Variants in FAM149B1 observed in about 807,000 individuals in gnomAD.
FAM149B1 encodes family with sequence similarity 149 member B1.
A neutral mutation model predicts 75.3 loss-of-function variants in FAM149B1; 56 were observed. That is an observed-to-expected ratio of 0.74 (90% CI 0.60 to 0.93). The LOEUF is 0.93. Ranked by LOEUF, FAM149B1 falls within the 40% of genes least tolerant of loss-of-function variation. The pLI is 0.00. For missense variants in FAM149B1, 639 were observed against 708.4 expected (o/e 0.90, Z 1.11); for synonymous variants, 259 against 256.1 (o/e 1.01, Z -0.11).
intron 3 of FAM149B1, among the ~76,000 whole-genome samples, chr10:73,188,206 G>A (rs1356446280): frequency 6.6e-6 from 1 of 152,096 alleles, no homozygotes; most frequent in East Asian, 1.9e-4. Context: ...TTTGACAAAG[G>A]TACAAAGGCA....
chr10:73,230,064 CCTTA>C (rs761340545), intron 8 of FAM149B1, among the ~76,000 whole-genome samples: 18 of 152,122 alleles, frequency 1.2e-4, no homozygotes, highest in Non-Finnish European at 1.6e-4. Context: ...TACAGTTTCC[CCTTA>C]CTATTTTCTA....
At chr10:73,206,285 C>T (rs1455439222) in intron 5 of FAM149B1, among the ~76,000 whole-genome samples, 1 of 152,178 alleles carries the variant, frequency 6.6e-6, no homozygotes, top group Non-Finnish European at 1.5e-5. Flanking sequence ...CAAGAAGTAA[C>T]ATGCCTGCTT....
rs12246048 is a variant in FAM149B1, at chr10:73,243,197, G to A, written c.*2178G>A. On this transcript the variant is annotated 3_prime_UTR_variant, in exon 14 of 14. Coordinates refer to ENST00000242505, the MANE Select transcript of FAM149B1 (RefSeq NM_173348.2). Reference sequence around the variant, plus strand: ...GTCACCACCAAGTTCCTTCAGGTGAGACCTCACACAATGTCAAGTGCTTTC... The same window carrying A: ...GTCACCACCAAGTTCCTTCAGGTGAAACCTCACACAATGTCAAGTGCTTTC... The A allele has an allele frequency of 4.9e-3, 2,779 of 564,174 alleles. 38 individuals are homozygous for A. Among genetic ancestry groups the A allele is most frequent in the African/African-American group, 0.033 (1,720 of 52,642 alleles). 34.9% of individuals were successfully genotyped at this position (564,174 alleles called of 1,614,324 possible). A position where few individuals can be genotyped will look rare whatever the true frequency, so the allele number is the denominator to read the frequency against.
intron 7 of FAM149B1, among the ~76,000 whole-genome samples, chr10:73,222,829 T>C (rs1403037204): frequency 6.6e-6 from 1 of 152,242 alleles, no homozygotes; most frequent in Non-Finnish European, 1.5e-5. Flanking sequence ...ATTTTTAAAC[T>C]TTTTATTGAA....
intron 5 of FAM149B1, among the ~76,000 whole-genome samples, chr10:73,196,324 CTTT>C (rs1035328920): frequency 6.9e-6 from 1 of 144,630 alleles, no homozygotes; most frequent in Non-Finnish European, 1.5e-5. Flanking sequence ...GCCCCCCACC[CTTT>C]TTTTTTTTTG....
chr10:73,204,255 G>T lies in FAM149B1; in HGVS notation c.543-4364G>T, dbSNP rs374007369. On this transcript the variant is annotated intron_variant, in intron 5 of 13. Transcript: ENST00000242505. ...TTCTCCTGTCTCAGCCTCCCAGGTA[G>T]CTGGGATTACAGGCACATGCCATCA... Among the ~76,000 whole-genome samples the T allele has an allele frequency of 3.9e-5, 6 of 152,232 alleles. No individual in the cohort carries two copies. In the East Asian group the frequency reaches 9.7e-4, roughly 25 times the overall value.
intron 2 of FAM149B1, among the ~76,000 whole-genome samples, chr10:73,175,049 AACAAACAAACAC>A (rs1459812523): frequency 2.0e-5 from 3 of 152,172 alleles, no homozygotes; most frequent in Non-Finnish European, 2.9e-5. Context: ...TGAAAAAACA[AACAAACAAACAC>A]ACAAACAAAC....
intron 1 of FAM149B1, among the ~76,000 whole-genome samples, chr10:73,173,892 AACC>A (rs1228219600): frequency 2.0e-5 from 3 of 152,220 alleles, no homozygotes; most frequent in Non-Finnish European, 4.4e-5. Flanking sequence ...ACACAGTTTA[AACC>A]TGTGTTGTTC....
At chr10:73,191,944 A>C (rs2042694230) in intron 3 of FAM149B1, among the ~76,000 whole-genome samples, 1 of 152,004 alleles carries the variant, frequency 6.6e-6, no homozygotes, top group African/African-American at 2.4e-5. Context: ...CACCCAGGCT[A>C]GAATAGAGTG....
intron 8 of FAM149B1, 143 bp from the exon 9 acceptor site, chr10:73,230,279 G>A (rs1034942618): frequency 1.1e-5 from 6 of 560,122 alleles, no homozygotes; most frequent in East Asian, 6.1e-5. Flanking sequence ...CCCCAGCTAC[G>A]GGCCCCAAGA....
intron 2 of FAM149B1, among the ~76,000 whole-genome samples, chr10:73,176,796 G>A (rs1197204180): frequency 6.6e-6 from 1 of 152,150 alleles, no homozygotes; most frequent in Non-Finnish European, 1.5e-5. Context: ...GGAGGCCGAT[G>A]TAGGCGGATC....
At chr10:73,211,832 G>A (rs142187862) in intron 7 of FAM149B1, among the ~76,000 whole-genome samples, 60 of 152,128 alleles carry the variant, frequency 3.9e-4, no homozygotes, top group African/African-American at 1.4e-3. Flanking sequence ...TTATGTGCAT[G>A]TATTTCTTAG....
At chr10:73,192,326 T>TA (rs1256425450) in intron 3 of FAM149B1, 7 of 406,784 alleles carry the variant, frequency 1.7e-5, no homozygotes, top group Non-Finnish European at 1.3e-5. Flanking sequence ...TGGACCAGCC[T>TA]AAAAAACAGA....
At chr10:73,196,176 A>G (rs2042799854) in intron 5 of FAM149B1, among the ~76,000 whole-genome samples, 1 of 152,064 alleles carries the variant, frequency 6.6e-6, no homozygotes, top group African/African-American at 2.4e-5. Flanking sequence ...CCTTTAACAT[A>G]TGGAATCAGC....
chr10:73,180,583 AT>A (rs2042373741), intron 3 of FAM149B1, among the ~76,000 whole-genome samples: 1 of 152,144 alleles, frequency 6.6e-6, no homozygotes, highest in Admixed American at 6.5e-5. Context: ...TCCTTTTGGC[AT>A]TTATAGTCTA....
At chr10:73,219,999 A>T (rs1415348619) in intron 7 of FAM149B1, among the ~76,000 whole-genome samples, 1 of 151,722 alleles carries the variant, frequency 6.6e-6, no homozygotes, top group Admixed American at 6.6e-5. Flanking sequence ...TAGAAATCAT[A>T]TAACTGATAA....
intron 3 of FAM149B1, among the ~76,000 whole-genome samples, chr10:73,183,164 G>A (rs1176257370): frequency 6.6e-6 from 1 of 152,056 alleles, no homozygotes; most frequent in East Asian, 1.9e-4. Flanking sequence ...TTAATTAATG[G>A]GTGAATATAA....
intron 3 of FAM149B1, among the ~76,000 whole-genome samples, chr10:73,186,631 A>C (rs536442973): frequency 2.6e-4 from 40 of 152,376 alleles, no homozygotes; most frequent in African/African-American, 9.1e-4. Flanking sequence ...AAATTAGTTC[A>C]GTTAGGTCAC....
rs1303644991 is a variant in FAM149B1, at chr10:73,241,487, T to A, written c.*468T>A. 5 of 167,898 alleles carry A rather than the reference T, an allele frequency of 3.0e-5. No homozygotes were observed. The highest frequency in any genetic ancestry group is 3.0e-4 in the South Asian group (2 of 6,674). 10.4% of individuals were successfully genotyped at this position (167,898 alleles called of 1,614,324 possible). ...TTTTGCTGTTGAAAATCTGACCTCA[T>A]CAAATAGATGTCATTCCTAAAACTC... On this transcript the variant is annotated 3_prime_UTR_variant, in exon 14 of 14. Coordinates refer to ENST00000242505, the MANE Select transcript of FAM149B1 (RefSeq NM_173348.2).
Sources: allele counts gnomAD v4.1 joint callset (sites outside exome capture counted in the v4.1 genomes callset), GRCh38; gene constraint gnomAD v4.1.1; transcripts MANE v1.5; gene names NCBI Gene and HGNC (gene_info 2026-07-23, HGNC 2026-07-21).